TG: variants seen among roughly 807,000 people sequenced by gnomAD.
The protein encoded by TG is thyroid hormones.
Under a neutral mutation model 324.7 loss-of-function variants are expected in TG, and 270 were observed. The observed-to-expected ratio is 0.83, with a 90% confidence interval of 0.75 to 0.92. TG has a LOEUF of 0.92. Ranked by LOEUF, TG falls within the 40% of genes least tolerant of loss-of-function variation. TG has a pLI of 0.00. For synonymous variants in TG, 1,401 were observed against 1,327.0 expected, an observed-to-expected ratio of 1.06 and a Z score of -1.21; for missense variants, 3,591 against 3,456.4, an observed-to-expected ratio of 1.04 and a Z score of -0.98.
chr8:133,005,619 G>A (rs181740125), intron 35 of TG, among the ~76,000 whole-genome samples: 5 of 152,292 alleles, frequency 3.3e-5, no homozygotes, highest in South Asian at 4.1e-4. Context: ...GGAAACTGAG[G>A]CTCAGAGAAG....
intron 5 of TG, among the ~76,000 whole-genome samples, chr8:132,876,555 G>A (rs1260611604): frequency 6.6e-6 from 1 of 152,136 alleles, no homozygotes; most frequent in African/African-American, 2.4e-5. Flanking sequence ...TTATGTGCTG[G>A]GTGATGGTTT....
At chr8:133,073,122 G>A (rs376847392) in intron 41 of TG, 45 of 152,250 alleles carry the variant, frequency 3.0e-4, no homozygotes, top group African/African-American at 9.9e-4. Context: ...GAAAATACTC[G>A]AAGGGGCAAA....
chr8:133,125,819 A>G (rs10106416), intron 45 of TG, among the ~76,000 whole-genome samples: 2,566 of 152,240 alleles, frequency 0.017, 69 homozygotes, highest in African/African-American at 0.059. Context: ...GAAAAAAATG[A>G]GTCTTGTAGT....
intron 27 of TG, among the ~76,000 whole-genome samples, chr8:132,959,521 T>A (rs1035408188): frequency 7.2e-5 from 11 of 152,186 alleles, no homozygotes; most frequent in African/African-American, 2.4e-4. Context: ...GAAAAATATA[T>A]GTAAATAAAA....
chr8:132,868,057 C>A, intron 1 of TG, 58 bp from the exon 2 acceptor site: 1 of 1,481,862 alleles, frequency 6.7e-7, no homozygotes, highest in Non-Finnish European at 9.4e-7. Flanking sequence ...GAGAGCCCGT[C>A]TCTGTCCTGG....
chr8:133,087,897 T>A (rs1167695155), intron 41 of TG: 1 of 152,182 alleles, frequency 6.6e-6, no homozygotes, highest in Non-Finnish European at 1.5e-5. Context: ...AAAACCTGGG[T>A]CTTAACCTCT....
At position 133,011,984 on chromosome 8, in the gene TG, A is replaced by G. The variant is rs1834550119; in HGVS notation, c.6346A>G (p.Ser2116Gly). ...SIRHFDVAHV[S>G]TAATSNFSAV... ...TAGGCACTTTGATGTTGCCCATGTC[A>G]GCACTGCTGCCACCAGCAATTTCTC... Residue 2116 changes from serine to glycine, a missense_variant, in exon 36 of 48, where the codon AGC (serine) becomes GGC (glycine). Physicochemically the swap from Ser to Gly is moderately conservative, Grantham distance 56. Coordinates refer to ENST00000220616, the MANE Select transcript of TG (RefSeq NM_003235.5). The G allele has an allele frequency of 5.0e-6, 8 of 1,614,172 alleles. No individual in the cohort carries two copies. Among genetic ancestry groups the G allele is most frequent in the Non-Finnish European group, 4.2e-6 (5 of 1,180,032 alleles).
intron 4 of TG, 62 bp downstream of exon 4, chr8:132,871,613 C>T (rs1316939356): frequency 1.6e-5 from 24 of 1,529,538 alleles, no homozygotes; most frequent in South Asian, 3.5e-5. Flanking sequence ...TTCCTCACTG[C>T]GATCCAACAC....
chr8:133,049,591 G>A (rs1394315261), intron 41 of TG: 7 of 357,930 alleles, frequency 2.0e-5, no homozygotes, highest in African/African-American at 6.2e-5. Context: ...CTGACTTCTA[G>A]TCTCTGCACT....
At chr8:133,076,044 T>G (rs985184845) in intron 41 of TG, 1 of 152,176 alleles carries the variant, frequency 6.6e-6, no homozygotes, top group African/African-American at 2.4e-5. Flanking sequence ...CTCAGGCACA[T>G]GGGGCTTCAG....
At chr8:133,090,519 C>A (rs540404793) in intron 41 of TG, among the ~76,000 whole-genome samples, 3 of 152,228 alleles carry the variant, frequency 2.0e-5, no homozygotes, top group African/African-American at 7.2e-5. Flanking sequence ...GAGGCACTTT[C>A]CCCCAAGTCA....
intron 46 of TG, 94 bp from the exon 47 acceptor site, chr8:133,133,376 C>A: frequency 8.0e-7 from 1 of 1,250,002 alleles, no homozygotes; most frequent in Non-Finnish European, 1.2e-6. Context: ...CATGAATTGT[C>A]CCTCAGATAC....
chr8:132,911,603 C>T, intron 19 of TG, 70 bp downstream of exon 19: 1 of 1,323,492 alleles, frequency 7.6e-7, no homozygotes. Context: ...TCTCATCTGC[C>T]AAATGGAGCT....
At chr8:132,914,564 A>C (rs1304328261) in intron 20 of TG, among the ~76,000 whole-genome samples, 2 of 152,236 alleles carry the variant, frequency 1.3e-5, no homozygotes, top group African/African-American at 4.8e-5. Flanking sequence ...TTTAACTCTC[A>C]CAATAGCCCC....
chr8:133,081,967 A>G (rs1464799531), intron 41 of TG, among the ~76,000 whole-genome samples: 1 of 152,228 alleles, frequency 6.6e-6, no homozygotes, highest in Admixed American at 6.5e-5. Flanking sequence ...CTAAGCAAAG[A>G]GGGCTGTAGC....
chr8:133,076,563 G>T (rs988194159), intron 41 of TG: 3 of 151,734 alleles, frequency 2.0e-5, no homozygotes, highest in Admixed American at 1.3e-4. Context: ...CAGAAGTGGA[G>T]ATTTTCCCCC....
intron 44 of TG, among the ~76,000 whole-genome samples, chr8:133,114,937 G>C (rs141358121): frequency 1.8e-4 from 27 of 150,090 alleles, no homozygotes; most frequent in Admixed American, 9.3e-4. Flanking sequence ...GGACTAAAAG[G>C]CTTTAATTTT....
intron 41 of TG, among the ~76,000 whole-genome samples, chr8:133,088,160 C>T (rs1411605255): frequency 6.6e-6 from 1 of 152,174 alleles, no homozygotes; most frequent in Non-Finnish European, 1.5e-5. Context: ...ATAGACTCTC[C>T]CTTGTCTCAC....
chr8:132,882,156 C>T (rs912268804), intron 6 of TG, among the ~76,000 whole-genome samples, 187 bp downstream of exon 6: 4 of 152,262 alleles, frequency 2.6e-5, no homozygotes, highest in Non-Finnish European at 5.9e-5. Flanking sequence ...GCAGCTGCTG[C>T]TGGCCCACAT....
Sources: gnomAD v4.1 joint callset for allele counts (sites outside exome capture counted in the v4.1 genomes callset) on GRCh38, gnomAD v4.1.1 for gene constraint, MANE v1.5 for transcripts, NCBI Gene and HGNC (gene_info 2026-07-23, HGNC 2026-07-21) for gene names.